SYDE2: variants seen among roughly 807,000 people sequenced by gnomAD.
SYDE2 encodes the protein synapse defective Rho GTPase homolog 2.
SYDE2 carries 76 observed loss-of-function variants against 91.5 expected under a neutral mutation model. The observed-to-expected ratio is 0.83, with a 90% CI of 0.69 to 1.01. SYDE2 has a LOEUF of 1.01. Among genes scored for constraint, SYDE2 ranks in the 50% least tolerant of loss-of-function variants. The pLI is 0.00. For missense variants in SYDE2, 1,364 were observed against 1,367.7 expected, an observed-to-expected ratio of 1.00 and a Z score of 0.04; for synonymous variants, 513 against 506.4, an observed-to-expected ratio of 1.01 and a Z score of -0.18.
At chr1:85,200,071 G>A (rs1658754806) in intron 1 of SYDE2, 181 bp downstream of exon 1, 1 of 858,062 alleles carries the variant, frequency 1.2e-6, no homozygotes, top group Non-Finnish European at 1.4e-6. Flanking sequence ...AGCAAAACGA[G>A]TAAATGCATT....
chr1:85,190,607 C>T lies in SYDE2; in HGVS notation c.891G>A (p.Arg297=), dbSNP rs552819319. 113 of 1,613,908 alleles carry T rather than the reference C, an allele frequency of 7.0e-5. 4 individuals are homozygous for T. In the South Asian group the frequency reaches 9.4e-4, roughly 13 times the overall value. ...TATTTTCTTCTTCCAGATTAAGAGG[C>T]CTCAGAGTACTCTGATATAGCCAAT... ...KRNWLYQSTL[R]PLNLEEENKK... The change falls in exon 2 of 7, where the codon AGG becomes AGA. Residue 297 remains arginine, a synonymous_variant. Transcript: ENST00000341460.
chr1:85,164,248 AC>A (rs1657182971), intron 6 of SYDE2, among the ~76,000 whole-genome samples: 1 of 152,224 alleles, frequency 6.6e-6, no homozygotes, highest in Non-Finnish European at 1.5e-5. Flanking sequence ...TAAGAAACCA[AC>A]CCAAGGTCAG....
At chr1:85,185,706 C>T (rs1185090149) in intron 2 of SYDE2, among the ~76,000 whole-genome samples, 1 of 152,016 alleles carries the variant, frequency 6.6e-6, no homozygotes, top group Non-Finnish European at 1.5e-5. Flanking sequence ...TGGGCTGAGA[C>T]AATGGGGTTT....
In SYDE2 at chr1:85,164,653, T is replaced by A. The variant is rs766330806; in HGVS notation, c.2958A>T (p.Leu986Phe). 6 of 1,587,674 alleles carry A rather than the reference T, an allele frequency of 3.8e-6. No homozygotes were observed. Among genetic ancestry groups the A allele is most frequent in the Middle Eastern group, 1.7e-4 (1 of 6,048 alleles). The stretch of plus-strand genomic sequence containing the variant: ...TGGAAGGCTCTTGCCTCTGACTTAA[T>A]AATACTGGTCCAAAGCACACAGCCA... ...QNLAVCFGPV[L>F]LSQRQEPSTH... Residue 986 changes from leucine to phenylalanine, a missense_variant, in exon 6 of 7, where the codon TTA (leucine) becomes TTT (phenylalanine). Leu to Phe is a conservative substitution (Grantham distance 22). Coordinates refer to ENST00000341460, the MANE Select transcript of SYDE2 (RefSeq NM_032184.2).
Position 85,176,139 on chromosome 1 carries a change from T to A in SYDE2, c.2671+2007A>T, listed in dbSNP as rs979451495. ...AAGCTTCACCAAGACCAAATCTATT[T>A]TTATTTATAGAGTGTACTTGCTGGA... On this transcript the variant is annotated intron_variant, in intron 4 of 6. Coordinates refer to ENST00000341460, the MANE Select transcript of SYDE2 (RefSeq NM_032184.2). 2.6e-5 allele frequency among the ~76,000 whole-genome samples: 4 copies of A among 152,290 alleles called. No homozygotes were observed. The East Asian group carries it at 7.7e-4, about 29-fold the overall frequency.
At position 85,200,735 on chromosome 1, in the gene SYDE2, C is replaced by T. The variant is rs1317873570; in HGVS notation, c.262G>A (p.Glu88Lys). 7 of 1,533,558 alleles carry T rather than the reference C, an allele frequency of 4.6e-6. No homozygotes were observed. The highest frequency in any genetic ancestry group is 6.1e-6 in the Non-Finnish European group (7 of 1,145,434). 95.0% of individuals were successfully genotyped at this position (1,533,558 alleles called of 1,614,324 possible). A position where few individuals can be genotyped will look rare whatever the true frequency, so the allele number is the denominator to read the frequency against. The change falls in exon 1 of 7, where the codon GAG becomes AAG. Residue 88 changes from glutamate (E) to lysine (K), a missense_variant. By Grantham distance (56) the Glu-to-Lys change is moderately conservative. Coordinates refer to ENST00000341460, the MANE Select transcript of SYDE2 (RefSeq NM_032184.2). ...GGCTTGGCACCCACCCGGAGGCTCTCGAGGCTTCTGCTGCAGGACGGCCGC... is the reference window on the plus strand; with the variant it reads ...GGCTTGGCACCCACCCGGAGGCTCTTGAGGCTTCTGCTGCAGGACGGCCGC... ...RMRPSCSRSL[E>K]SLRVGAKPPP...
At position 85,157,860 on chromosome 1, in the gene SYDE2, T is replaced by A. The variant is rs962132618; in HGVS notation, c.*890A>T. 1.3e-5 allele frequency: 2 copies of A among 152,208 alleles called. No homozygotes were observed. Among genetic ancestry groups the A allele is most frequent in the African/African-American group, 4.8e-5 (2 of 41,456 alleles). The allele number at this position is 152,208 out of a possible 1,614,324, so 9.4% of individuals were successfully genotyped here. On this transcript the variant is annotated 3_prime_UTR_variant, in exon 7 of 7. Transcript: ENST00000341460. Reference sequence around the variant, plus strand: ...TGATATCTATACATATATGCATTTATAAATATATACAGTTTCAGGATTATA... The same window carrying A: ...TGATATCTATACATATATGCATTTAAAAATATATACAGTTTCAGGATTATA...
At chr1:85,170,490 G>T (rs1657462007) in intron 4 of SYDE2, among the ~76,000 whole-genome samples, 1 of 152,124 alleles carries the variant, frequency 6.6e-6, no homozygotes, top group Non-Finnish European at 1.5e-5. Context: ...CCCTCATTGA[G>T]AGTTGAGTAT....
At chr1:85,180,488 G>A (rs986651878) in intron 3 of SYDE2, among the ~76,000 whole-genome samples, 1 of 151,972 alleles carries the variant, frequency 6.6e-6, no homozygotes, top group East Asian at 1.9e-4. Flanking sequence ...TCAGGAGCTG[G>A]AGACTAGCCT....
In SYDE2 at chr1:85,182,635, A is replaced by T. The variant is rs774386339; in HGVS notation, c.2007T>A (p.Ser669=). ...DIDAFRHYSF[S]DQPKCSQYIS... is the part of the protein sequence containing the mutation. ...TGTACTGTGAACACTTAGGTTGATC[A>T]GAAAAGCTATAATGCCTAAAAGCAT... The change falls in exon 3 of 7, where the codon TCT becomes TCA. Residue 669 remains serine, a synonymous_variant. Transcript: ENST00000341460. The T allele has an allele frequency of 6.2e-7, 1 of 1,613,830 alleles. No homozygotes were observed.
intron 6 of SYDE2, chr1:85,159,946 A>G (rs1016512237): frequency 2.0e-6 from 2 of 984,616 alleles, no homozygotes; most frequent in Non-Finnish European, 1.2e-6. Flanking sequence ...CCACATTAAG[A>G]CTAGTTTATT....
rs983148567 is a variant in SYDE2 at position 85,200,756 on chromosome 1, G to A, written c.241C>T (p.Pro81Ser). ...GGQLRTPRMR[P>S]SCSRSLESLR... ...CTCTCGAGGCTTCTGCTGCAGGACGGCCGCATCCGAGGAGTCCGCAGCTGG... is the reference window on the plus strand; with the variant it reads ...CTCTCGAGGCTTCTGCTGCAGGACGACCGCATCCGAGGAGTCCGCAGCTGG... The change falls in exon 1 of 7, where the codon CCG becomes TCG. Residue 81 changes from proline to serine, a missense_variant. By Grantham distance (74) the Pro-to-Ser change is moderately conservative. Coordinates refer to ENST00000341460, the MANE Select transcript of SYDE2 (RefSeq NM_032184.2). The A allele has an allele frequency of 7.8e-6, 12 of 1,529,182 alleles. No homozygotes were observed. In the African/African-American group the frequency reaches 1.5e-4, roughly 19 times the overall value. The allele number at this position is 1,529,182 out of a possible 1,614,324, so 94.7% of individuals were successfully genotyped here.
chr1:85,168,140 A>G (rs1657363870), intron 5 of SYDE2, among the ~76,000 whole-genome samples: 1 of 151,756 alleles, frequency 6.6e-6, no homozygotes, highest in South Asian at 2.1e-4. Flanking sequence ...AATTTTACCT[A>G]GTGTTGGGAA....
chr1:85,186,305 T>C (rs1158598946), intron 2 of SYDE2, among the ~76,000 whole-genome samples: 8 of 152,256 alleles, frequency 5.3e-5, no homozygotes, highest in Admixed American at 6.5e-5. Context: ...ATGATGCTGG[T>C]CTCATAAAAT....
chr1:85,169,393 T>A (rs1012154756), intron 4 of SYDE2, among the ~76,000 whole-genome samples, 168 bp from the exon 5 acceptor site: 1 of 152,222 alleles, frequency 6.6e-6, no homozygotes. Flanking sequence ...TGTATTCTTT[T>A]AAGTTGCCTT....
At chr1:85,198,365 T>G (rs1324475404) in intron 1 of SYDE2, among the ~76,000 whole-genome samples, 1 of 152,130 alleles carries the variant, frequency 6.6e-6, no homozygotes, top group African/African-American at 2.4e-5. Context: ...CCAACTAAAC[T>G]TCATGAAAAA....
At chr1:85,181,072 G>C (rs914326386) in intron 3 of SYDE2, 3 of 151,160 alleles carry the variant, frequency 2.0e-5, no homozygotes, top group Non-Finnish European at 2.9e-5. Flanking sequence ...AACCCCACTG[G>C]GGGGCCTGAA....
chr1:85,160,949 T>C (rs767764940), intron 6 of SYDE2: 1 of 980,028 alleles, frequency 1.0e-6, no homozygotes, highest in Non-Finnish European at 1.2e-6. Context: ...CCAATTAAAC[T>C]GATATTTTAT....
Position 85,190,191 on chromosome 1 carries a change from C to T in SYDE2, c.1307G>A (p.Arg436Gln), listed in dbSNP as rs765016696. The T allele has an allele frequency of 6.8e-6, 11 of 1,613,940 alleles. No individual in the cohort carries two copies. The highest frequency in any genetic ancestry group is 8.5e-6 in the Non-Finnish European group (10 of 1,179,884). The change falls in exon 2 of 7, where the codon CGG becomes CAG. Residue 436 changes from arginine to glutamine, a missense_variant. Coordinates refer to ENST00000341460, the MANE Select transcript of SYDE2 (RefSeq NM_032184.2). ...ATGTATAGGATTCATTCCATTTGACCGTGTGGTCTGAATATCACCTGCATG... is the reference window on the plus strand; with the variant it reads ...ATGTATAGGATTCATTCCATTTGACTGTGTGGTCTGAATATCACCTGCATG... The part of the protein sequence containing the change: ...SEHAGDIQTT[R>Q]SNGMNPIHPA...
Sources: allele counts gnomAD v4.1 joint callset (sites outside exome capture counted in the v4.1 genomes callset), GRCh38; gene constraint gnomAD v4.1.1; transcripts MANE v1.5; gene names NCBI Gene and HGNC (gene_info 2026-07-23, HGNC 2026-07-21).